ENOX1: variants seen among roughly 807,000 people sequenced by gnomAD.
ENOX1 encodes candidate growth-related and time keeping constitutive hydroquinone (NADH) oxidase.
A neutral mutation model predicts 82.5 loss-of-function variants in ENOX1; 42 were observed. The ratio of observed to expected loss-of-function variants is 0.51; its 90% CI spans 0.40 to 0.66. ENOX1 has a LOEUF of 0.66. Among genes scored for constraint, ENOX1 ranks in the 30% least tolerant of loss-of-function variants. ENOX1 has a pLI of 0.00. For missense variants in ENOX1, 608 were observed against 811.6 expected (o/e 0.75, Z 3.05); for synonymous variants, 271 against 282.2 (o/e 0.96, Z 0.40).
At chr13:43,355,867 C>G (rs1056031941) in intron 8 of ENOX1, 52 bp downstream of exon 8, 80 of 1,539,814 alleles carry the variant, frequency 5.2e-5, no homozygotes, top group Non-Finnish European at 6.4e-5. Context: ...CACAGGGTTC[C>G]GTGTCTGGGG....
At chr13:43,373,096 TTGTG>T (rs766270496) in intron 5 of ENOX1, among the ~76,000 whole-genome samples, 21 of 152,264 alleles carry the variant, frequency 1.4e-4, no homozygotes, top group Non-Finnish European at 2.8e-4. Flanking sequence ...ATTATATCAT[TTGTG>T]TGTGTGAGTG....
At chr13:43,238,274 G>A (rs2042646196) in intron 14 of ENOX1, among the ~76,000 whole-genome samples, 1 of 152,132 alleles carries the variant, frequency 6.6e-6, no homozygotes, top group Admixed American at 6.5e-5. Context: ...AAGCCTCAAT[G>A]GAAACACAAT....
intron 5 of ENOX1, among the ~76,000 whole-genome samples, chr13:43,409,032 A>G (rs1197294842): frequency 6.7e-6 from 1 of 148,424 alleles, no homozygotes; most frequent in Non-Finnish European, 1.5e-5. Context: ...AAATGCCCAA[A>G]TATAAACCAA....
chr13:43,701,764 T>C (rs2086918519), intron 1 of ENOX1, among the ~76,000 whole-genome samples: 1 of 152,202 alleles, frequency 6.6e-6, no homozygotes, highest in African/African-American at 2.4e-5. Flanking sequence ...ATTGTGTCTT[T>C]TGGAATTATA....
intron 1 of ENOX1, among the ~76,000 whole-genome samples, chr13:43,672,028 C>A (rs1036572903): frequency 6.6e-6 from 1 of 152,126 alleles, no homozygotes; most frequent in Non-Finnish European, 1.5e-5. Context: ...ACCATTCATA[C>A]CATTGACATC....
chr13:43,667,481 G>A lies in ENOX1; in HGVS notation c.-221C>T, dbSNP rs2085038709. ...TGGTGCACATACCATCCCTTTACCT[G>A]AGCATGGTGAGCTCTCTCTCCTCCA... On this transcript the variant is annotated splice_region_variant and 5_prime_UTR_variant, in exon 2 of 17. Coordinates refer to ENST00000690772, the MANE Select transcript of ENOX1 (RefSeq NM_001347969.2). The A allele has an allele frequency of 1.0e-6, 1 of 985,382 alleles. No individual in the cohort carries two copies. Among genetic ancestry groups the A allele is most frequent in the African/African-American group, 1.7e-5 (1 of 57,240 alleles). 61.0% of individuals were successfully genotyped at this position (985,382 alleles called of 1,614,324 possible). A position where few individuals can be genotyped will look rare whatever the true frequency, so the allele number is the denominator to read the frequency against.
At chr13:43,666,268 A>C (rs2084973789) in intron 2 of ENOX1, among the ~76,000 whole-genome samples, 1 of 152,124 alleles carries the variant, frequency 6.6e-6, no homozygotes, top group Non-Finnish European at 1.5e-5. Context: ...AAATAAATTG[A>C]GGTATGCCTG....
At chr13:43,367,403 C>T (rs551073262) in intron 5 of ENOX1, among the ~76,000 whole-genome samples, 2 of 152,146 alleles carry the variant, frequency 1.3e-5, no homozygotes, top group African/African-American at 2.4e-5. Context: ...TTAGGTCATA[C>T]TGGATTAGGG....
chr13:43,330,183 T>G (rs1166161185), intron 9 of ENOX1, among the ~76,000 whole-genome samples: 5 of 152,220 alleles, frequency 3.3e-5, no homozygotes, highest in Non-Finnish European at 2.9e-5. Context: ...GAAGTTACTA[T>G]CAGAACAGGC....
intron 12 of ENOX1, among the ~76,000 whole-genome samples, chr13:43,278,868 G>A (rs913026739): frequency 3.2e-4 from 49 of 152,032 alleles, no homozygotes; most frequent in African/African-American, 1.1e-3. Flanking sequence ...TATACATGAA[G>A]TTCAAAAGAA....
intron 2 of ENOX1, among the ~76,000 whole-genome samples, chr13:43,627,610 T>C (rs1363585935): frequency 6.6e-6 from 1 of 152,084 alleles, no homozygotes; most frequent in African/African-American, 2.4e-5. Flanking sequence ...GACAGGGTTA[T>C]AATTTTTACT....
At chr13:43,484,754 A>G (rs986179038) in intron 2 of ENOX1, among the ~76,000 whole-genome samples, 14 of 152,242 alleles carry the variant, frequency 9.2e-5, no homozygotes, top group African/African-American at 3.4e-4. Context: ...TTACTAATTA[A>G]TTAAGAACTT....
chr13:43,561,909 C>G (rs564828267), intron 2 of ENOX1, among the ~76,000 whole-genome samples: 10 of 145,716 alleles, frequency 6.9e-5, no homozygotes, highest in Non-Finnish European at 1.5e-4. Context: ...GCTGAGGCTG[C>G]AGTAAGCCAT....
At chr13:43,493,792 A>G (rs557289297) in intron 2 of ENOX1, among the ~76,000 whole-genome samples, 2 of 152,310 alleles carry the variant, frequency 1.3e-5, no homozygotes, top group East Asian at 3.9e-4. Context: ...TTAATGCTTT[A>G]CCAGCTATCT....
In ENOX1 at chr13:43,667,549, A is replaced by T; in HGVS notation, c.-284-5T>A. The T allele has an allele frequency of 1.0e-6, 1 of 958,758 alleles. No homozygotes were observed. The highest frequency in any genetic ancestry group is 1.2e-6 in the Non-Finnish European group (1 of 805,530). The allele number at this position is 958,758 out of a possible 1,614,324, so 59.4% of individuals were successfully genotyped here. A position where few individuals can be genotyped will look rare whatever the true frequency, so the allele number is the denominator to read the frequency against. The stretch of plus-strand genomic sequence containing the variant: ...ATCATGCTGGCAGCAAAGGACCTGT[A>T]AAATAAAGGCCATCTTGTTAGAAAA... On this transcript the variant is annotated splice_region_variant and splice_polypyrimidine_tract_variant and intron_variant, in intron 1 of 16. Transcript: ENST00000690772.
intron 2 of ENOX1, among the ~76,000 whole-genome samples, chr13:43,489,944 T>C (rs1332540332): frequency 2.0e-5 from 3 of 152,200 alleles, no homozygotes; most frequent in Admixed American, 2.0e-4. Flanking sequence ...TCATTGTATT[T>C]TACTTTATTT....
chr13:43,676,784 T>C (rs1003490544), intron 1 of ENOX1, among the ~76,000 whole-genome samples: 4 of 152,158 alleles, frequency 2.6e-5, no homozygotes, highest in Admixed American at 6.5e-5. Context: ...AGCTGGTCCG[T>C]TGCACCCTGA....
chr13:43,664,191 C>T (rs2084868165), intron 2 of ENOX1, among the ~76,000 whole-genome samples: 1 of 152,122 alleles, frequency 6.6e-6, no homozygotes, highest in Non-Finnish European at 1.5e-5. Flanking sequence ...AATCATTTTT[C>T]TCATTTGCCT....
At chr13:43,259,926 T>G (rs2043961127) in intron 14 of ENOX1, among the ~76,000 whole-genome samples, 1 of 152,170 alleles carries the variant, frequency 6.6e-6, no homozygotes, top group African/African-American at 2.4e-5. Flanking sequence ...CCAGCCTGAG[T>G]TGTTTTTTAC....
Sources: gnomAD v4.1 joint callset for allele counts (sites outside exome capture counted in the v4.1 genomes callset) on GRCh38, gnomAD v4.1.1 for gene constraint, MANE v1.5 for transcripts, NCBI Gene and HGNC (gene_info 2026-07-23, HGNC 2026-07-21) for gene names.